Variants in SOX5 observed in about 807,000 individuals in gnomAD.
SOX5 encodes SRY-box transcription factor 5, also known as transcription factor SOX-5.
A neutral mutation model predicts 92.0 loss-of-function variants in SOX5; 9 were observed. The observed-to-expected ratio is 0.10, with a 90% CI of 0.06 to 0.17. The LOEUF is 0.17. Among genes scored for constraint, SOX5 ranks in the 10% least tolerant of loss-of-function variants. The pLI, the probability that SOX5 is intolerant of heterozygous loss-of-function variation, is 1.00. For missense variants in SOX5, 642 were observed against 944.5 expected (o/e 0.68, Z 4.20); for synonymous variants, 344 against 336.3 (o/e 1.02, Z -0.25).
At chr12:23,883,305 G>T (rs1346204374) in intron 2 of SOX5, among the ~76,000 whole-genome samples, 1 of 152,108 alleles carries the variant, frequency 6.6e-6, no homozygotes, top group Admixed American at 6.5e-5. Flanking sequence ...GATACTGACA[G>T]ACCTTACCAG....
At chr12:24,198,802 C>T (rs1474018884) in intron 4 of SOX5, among the ~76,000 whole-genome samples, 2 of 152,184 alleles carry the variant, frequency 1.3e-5, no homozygotes, top group Non-Finnish European at 1.5e-5. Flanking sequence ...AGTATGAGGT[C>T]ACTACACTTT....
At chr12:24,148,837 C>T (rs1951372463) in intron 4 of SOX5, among the ~76,000 whole-genome samples, 1 of 151,474 alleles carries the variant, frequency 6.6e-6, no homozygotes, top group Non-Finnish European at 1.5e-5. Context: ...TTATAGTAAG[C>T]TATGATCACA....
At position 23,665,346 on chromosome 12, in the gene SOX5, T is replaced by C; in HGVS notation, c.931+98A>G. On this transcript the variant is annotated intron_variant, in intron 7 of 14. Coordinates refer to ENST00000451604, the MANE Select transcript of SOX5 (RefSeq NM_006940.6). Reference sequence around the variant, plus strand: ...TCCTCTTTAAAATAAAAATGCTATATGGGTGATCTCATTTCTTGGTGTGGC... The same window carrying C: ...TCCTCTTTAAAATAAAAATGCTATACGGGTGATCTCATTTCTTGGTGTGGC... 2.3e-6 allele frequency: 3 copies of C among 1,292,922 alleles called. No homozygotes were observed. In the South Asian group the frequency reaches 3.6e-5, roughly 15 times the overall value. The allele number at this position is 1,292,922 out of a possible 1,614,324, so 80.1% of individuals were successfully genotyped here. A position where few individuals can be genotyped will look rare whatever the true frequency, so the allele number is the denominator to read the frequency against.
chr12:24,138,889 G>A (rs1436740233), intron 4 of SOX5, among the ~76,000 whole-genome samples: 2 of 152,120 alleles, frequency 1.3e-5, no homozygotes, highest in Non-Finnish European at 2.9e-5. Context: ...GTGTATCCCA[G>A]GCAACATAAT....
chr12:24,328,400 C>T (rs902139433), intron 2 of SOX5, among the ~76,000 whole-genome samples: 3 of 152,170 alleles, frequency 2.0e-5, no homozygotes, highest in Non-Finnish European at 4.4e-5. Context: ...TTCCTATTTT[C>T]CTACTGAAAT....
rs192585551 is a variant in SOX5 at position 24,263,082 on chromosome 12, C to T, written c.-77+14134G>A. 3.8e-4 allele frequency among the ~76,000 whole-genome samples: 58 copies of T among 151,692 alleles called. No individual in the cohort carries two copies. The East Asian group carries it at 7.8e-3, about 20-fold the overall frequency. On this transcript the variant is annotated intron_variant, in intron 3 of 4. Transcript: ENST00000446891. ...ACAAAAAAAAAAGGAAAAAATTAGC[C>T]GGACATGATGGCGGGTGCCTGTAGC...
At chr12:24,334,092 C>T (rs1184461675) in intron 2 of SOX5, among the ~76,000 whole-genome samples, 1 of 149,938 alleles carries the variant, frequency 6.7e-6, no homozygotes, top group Non-Finnish European at 1.5e-5. Context: ...ATACTATATA[C>T]TATATACCAA....
chr12:24,030,846 AACAAG>A (rs1200005422), intron 4 of SOX5, among the ~76,000 whole-genome samples: 1 of 151,910 alleles, frequency 6.6e-6, no homozygotes, highest in African/African-American at 2.4e-5. Flanking sequence ...AGCTCATAGC[AACAAG>A]ACAAATCATC....
intron 4 of SOX5, among the ~76,000 whole-genome samples, chr12:24,086,120 C>T (rs753429779): frequency 2.0e-5 from 3 of 151,968 alleles, no homozygotes; most frequent in Non-Finnish European, 2.9e-5. Context: ...ACGGTTCTAC[C>T]TATGATTCCC....
chr12:23,956,792 T>A (rs1037212417), intron 4 of SOX5, among the ~76,000 whole-genome samples: 5 of 152,078 alleles, frequency 3.3e-5, no homozygotes, highest in African/African-American at 4.8e-5. Context: ...TTCAAGTGAT[T>A]CTCCTGCCTC....
At chr12:24,126,431 C>T (rs982264922) in intron 4 of SOX5, among the ~76,000 whole-genome samples, 1 of 152,124 alleles carries the variant, frequency 6.6e-6, no homozygotes, top group Non-Finnish European at 1.5e-5. Context: ...AAGCGAAAAC[C>T]AGGATAGCAC....
At chr12:24,001,919 A>T (rs900199560) in intron 4 of SOX5, among the ~76,000 whole-genome samples, 4 of 152,136 alleles carry the variant, frequency 2.6e-5, no homozygotes, top group African/African-American at 9.7e-5. Context: ...AGCTATGATC[A>T]CATCATTGTA....
chr12:24,451,247 A>G (rs1268002661), intron 1 of SOX5, among the ~76,000 whole-genome samples: 1 of 152,226 alleles, frequency 6.6e-6, no homozygotes, highest in African/African-American at 2.4e-5. Context: ...TAGTGCTGCA[A>G]TAAACATGGG....
chr12:23,707,645 G>C (rs2140310546), intron 6 of SOX5, among the ~76,000 whole-genome samples: 1 of 152,046 alleles, frequency 6.6e-6, no homozygotes, highest in African/African-American at 2.4e-5. Flanking sequence ...TTTAGTTTTG[G>C]ACTTCTTTTA....
At chr12:23,712,450 G>A (rs1567158077) in intron 6 of SOX5, among the ~76,000 whole-genome samples, 2 of 152,198 alleles carry the variant, frequency 1.3e-5, no homozygotes, top group African/African-American at 2.4e-5. Context: ...GAGCTGTTAA[G>A]AGACTTCTAT....
rs910412345 is a variant in SOX5 at position 23,644,735 on chromosome 12, A to C, written c.932-3838T>G. ...TGGTGCTTTATCATTTCATATTTTT[A>C]GTATTTAATCTTCCAAACACTATCC... On this transcript the variant is annotated intron_variant, in intron 7 of 14. Transcript: ENST00000451604. Among the ~76,000 whole-genome samples, 5 of 152,234 alleles carry C rather than the reference A, an allele frequency of 3.3e-5. No homozygotes were observed. The East Asian group carries it at 9.6e-4, about 29-fold the overall frequency.
chr12:24,437,434 C>T (rs182702518), intron 1 of SOX5, among the ~76,000 whole-genome samples: 76 of 152,226 alleles, frequency 5.0e-4, no homozygotes, highest in Admixed American at 2.0e-4. Context: ...GACTAAAACA[C>T]CAAAAGCAAT....
chr12:23,698,636 A>G (rs895284174), intron 6 of SOX5, among the ~76,000 whole-genome samples: 1 of 151,906 alleles, frequency 6.6e-6, no homozygotes, highest in Non-Finnish European at 1.5e-5. Flanking sequence ...GCCACTTTTG[A>G]TTATTTTTTC....
chr12:23,798,456 T>C (rs760627145), intron 3 of SOX5, among the ~76,000 whole-genome samples: 1 of 152,048 alleles, frequency 6.6e-6, no homozygotes, highest in Non-Finnish European at 1.5e-5. Flanking sequence ...CTTCATTCTT[T>C]GGTTAATCTC....
Sources: gnomAD v4.1 joint callset for allele counts (sites outside exome capture counted in the v4.1 genomes callset) on GRCh38, gnomAD v4.1.1 for gene constraint, MANE v1.5 for transcripts, NCBI Gene and HGNC (gene_info 2026-07-23, HGNC 2026-07-21) for gene names.